CDH13: variants seen among roughly 807,000 people sequenced by gnomAD.
CDH13 encodes cadherin 13.
In CDH13, 24 loss-of-function variants were observed where a neutral mutation model predicts 63.8. That is an observed-to-expected ratio of 0.38 (90% confidence interval 0.27 to 0.53). The LOEUF (loss-of-function observed/expected upper bound fraction) is 0.53. Ranked by LOEUF, CDH13 falls within the 20% of genes least tolerant of loss-of-function variation. CDH13 has a pLI of 0.85. For synonymous variants in CDH13, 503 were observed against 355.3 expected, an observed-to-expected ratio of 1.42 and a Z score of -4.67; for missense variants, 1,049 against 903.1, an observed-to-expected ratio of 1.16 and a Z score of -2.07.
chr16:83,413,993 CAAA>C (rs912640538), intron 6 of CDH13, among the ~76,000 whole-genome samples: 32 of 150,688 alleles, frequency 2.1e-4, no homozygotes, highest in African/African-American at 6.8e-4. Flanking sequence ...GACTCCATCT[CAAA>C]AAAAACAAAA....
intron 6 of CDH13, among the ~76,000 whole-genome samples, chr16:83,360,483 G>A (rs569996089): frequency 6.9e-6 from 1 of 145,560 alleles, no homozygotes; most frequent in Admixed American, 6.8e-5. Context: ...TTTTTTTTTT[G>A]GATTTGGGCA....
chr16:83,089,774 G>A (rs958377358), intron 3 of CDH13, among the ~76,000 whole-genome samples: 1 of 152,224 alleles, frequency 6.6e-6, no homozygotes, highest in Non-Finnish European at 1.5e-5. Context: ...TAAACGTAGA[G>A]TCCACAAGTT....
intron 4 of CDH13, among the ~76,000 whole-genome samples, chr16:83,183,677 T>C (rs1305295830): frequency 6.6e-6 from 1 of 152,200 alleles, no homozygotes; most frequent in Non-Finnish European, 1.5e-5. Flanking sequence ...TGTCCCTCCC[T>C]GATGGGACGG....
chr16:82,785,588 A>G (rs574162448), intron 1 of CDH13, among the ~76,000 whole-genome samples: 2 of 152,216 alleles, frequency 1.3e-5, no homozygotes, highest in South Asian at 2.1e-4. Context: ...AACATATACC[A>G]TCTGGCTCAA....
chr16:83,737,904 T>C (rs1911688840), intron 10 of CDH13, among the ~76,000 whole-genome samples: 1 of 152,208 alleles, frequency 6.6e-6, no homozygotes. Flanking sequence ...CCTAGACCAC[T>C]CTGAGTCTTT....
At chr16:83,080,026 C>T (rs146440011) in intron 3 of CDH13, among the ~76,000 whole-genome samples, 1 of 152,200 alleles carries the variant, frequency 6.6e-6, no homozygotes, top group Non-Finnish European at 1.5e-5. Flanking sequence ...TCTGTCTCAT[C>T]CCTTTTCAAG....
intron 5 of CDH13, among the ~76,000 whole-genome samples, chr16:83,252,140 A>ATG (rs1555519955): frequency 1.2e-4 from 12 of 98,890 alleles, no homozygotes; most frequent in Middle Eastern, 9.3e-3. Context: ...ATATATATGT[A>ATG]TATATATATA....
intron 10 of CDH13, chr16:83,716,950 A>T (rs941444779): frequency 6.6e-6 from 1 of 152,394 alleles, no homozygotes; most frequent in Non-Finnish European, 1.5e-5. Flanking sequence ...TAAAAAAATG[A>T]GAAGGCCAGA....
At chr16:82,925,299 G>T (rs1411270490) in intron 2 of CDH13, among the ~76,000 whole-genome samples, 1 of 152,222 alleles carries the variant, frequency 6.6e-6, no homozygotes, top group Non-Finnish European at 1.5e-5. Context: ...GGTGTTTAAA[G>T]GGGAGCAGTT....
intron 6 of CDH13, among the ~76,000 whole-genome samples, chr16:83,458,833 A>T (rs2073093043): frequency 2.6e-5 from 4 of 152,208 alleles, no homozygotes; most frequent in Admixed American, 2.6e-4. Flanking sequence ...TCTCTGACTC[A>T]ACCCAAGTCT....
intron 5 of CDH13, among the ~76,000 whole-genome samples, chr16:83,323,377 T>C (rs1474885307): frequency 6.6e-6 from 1 of 151,158 alleles, no homozygotes; most frequent in African/African-American, 2.4e-5. Context: ...GCCTCCTGGG[T>C]TCAAGTGATT....
chr16:83,563,034 T>C (rs777114850), intron 7 of CDH13, among the ~76,000 whole-genome samples: 5 of 152,182 alleles, frequency 3.3e-5, no homozygotes, highest in Non-Finnish European at 5.9e-5. Context: ...AGAAGGACCA[T>C]TGGATTAGCT....
At chr16:83,321,300 A>G (rs1393889993) in intron 5 of CDH13, among the ~76,000 whole-genome samples, 1 of 152,190 alleles carries the variant, frequency 6.6e-6, no homozygotes, top group African/African-American at 2.4e-5. Context: ...CTGGACAGAA[A>G]GCTCGTGGCA....
At chr16:83,293,269 A>G (rs192776856) in intron 5 of CDH13, among the ~76,000 whole-genome samples, 192 of 152,316 alleles carry the variant, frequency 1.3e-3, no homozygotes, top group African/African-American at 3.8e-3. Flanking sequence ...TATTTTTAAT[A>G]GTAAGCATTT....
chr16:83,664,366 C>A (rs1469005914), intron 8 of CDH13, among the ~76,000 whole-genome samples: 4 of 152,094 alleles, frequency 2.6e-5, no homozygotes, highest in Non-Finnish European at 4.4e-5. Flanking sequence ...GGCAAGCAAC[C>A]ACAGGTCCCT....
At chr16:83,794,413 C>T (rs1372685679) in intron 13 of CDH13, among the ~76,000 whole-genome samples, 6 of 151,966 alleles carry the variant, frequency 3.9e-5, no homozygotes, top group Non-Finnish European at 8.8e-5. Flanking sequence ...ATTAGCCAGG[C>T]ATGGCGGTGC....
intron 1 of CDH13, among the ~76,000 whole-genome samples, chr16:82,731,301 A>C (rs1234894318): frequency 6.6e-6 from 1 of 152,252 alleles, no homozygotes; most frequent in East Asian, 1.9e-4. Flanking sequence ...ATATACATAT[A>C]TAAATAAATG....
intron 6 of CDH13, among the ~76,000 whole-genome samples, chr16:83,425,545 T>A (rs1485731718): frequency 3.3e-5 from 5 of 152,242 alleles, no homozygotes; most frequent in Non-Finnish European, 7.3e-5. Context: ...TTTAGCTCAT[T>A]AACTCCCTCA....
At chr16:83,350,200 G>T (rs1048706813) in intron 6 of CDH13, among the ~76,000 whole-genome samples, 1 of 152,182 alleles carries the variant, frequency 6.6e-6, no homozygotes, top group African/African-American at 2.4e-5. Flanking sequence ...ATCAGGAGCT[G>T]GCTGTAGGTT....
Sources: gnomAD v4.1 joint callset for allele counts (sites outside exome capture counted in the v4.1 genomes callset) on GRCh38, gnomAD v4.1.1 for gene constraint, MANE v1.5 for transcripts, NCBI Gene and HGNC (gene_info 2026-07-23, HGNC 2026-07-21) for gene names.